VAV2: variants seen among roughly 807,000 people sequenced by gnomAD.
VAV2 encodes vav guanine nucleotide exchange factor 2, also known as guanine nucleotide exchange factor VAV2.
Under a neutral mutation model 132.5 loss-of-function variants are expected in VAV2, and 67 were observed. The ratio of observed to expected loss-of-function variants is 0.51; its 90% confidence interval spans 0.42 to 0.62. The LOEUF (loss-of-function observed/expected upper bound fraction) is 0.62. Ranked by LOEUF, VAV2 falls within the 20% of genes least tolerant of loss-of-function variation. VAV2 has a pLI of 0.00. For missense variants in VAV2, 938 were observed against 1,153.6 expected (o/e 0.81, Z 2.71); for synonymous variants, 492 against 443.5 (o/e 1.11, Z -1.37).
chr9:133,766,358 G>A (rs1833431488), intron 29 of VAV2, among the ~76,000 whole-genome samples: 1 of 152,180 alleles, frequency 6.6e-6, no homozygotes, highest in Non-Finnish European at 1.5e-5. Flanking sequence ...CAACAGCAAA[G>A]ACTTGGAACG....
At chr9:133,979,423 C>G (rs1367155949) in intron 1 of VAV2, among the ~76,000 whole-genome samples, 1 of 151,504 alleles carries the variant, frequency 6.6e-6, no homozygotes, top group Non-Finnish European at 1.5e-5. Flanking sequence ...ACACACGAAG[C>G]CAGGCCCAGA....
At chr9:133,978,057 C>A (rs1842572000) in intron 1 of VAV2, among the ~76,000 whole-genome samples, 2 of 152,192 alleles carry the variant, frequency 1.3e-5, no homozygotes, top group South Asian at 4.1e-4. Context: ...ATGTGATGAT[C>A]CCAGAAATGT....
At chr9:133,832,594 T>C (rs1836306164) in intron 4 of VAV2, among the ~76,000 whole-genome samples, 1 of 152,150 alleles carries the variant, frequency 6.6e-6, no homozygotes. Context: ...GTTTCACTCT[T>C]GTCGCCCAGG....
At chr9:133,911,081 G>A (rs1839869640) in intron 2 of VAV2, among the ~76,000 whole-genome samples, 1 of 152,178 alleles carries the variant, frequency 6.6e-6, no homozygotes, top group African/African-American at 2.4e-5. Flanking sequence ...GCAGGGCCGG[G>A]CACGCCCCTT....
chr9:133,907,221 A>G (rs947403616), intron 2 of VAV2, among the ~76,000 whole-genome samples: 1 of 151,918 alleles, frequency 6.6e-6, no homozygotes, highest in Non-Finnish European at 1.5e-5. Flanking sequence ...CCTCAAATTC[A>G]TCCTCGCTCC....
rs1475552901 is a variant in VAV2, at chr9:133,919,660, A to G, written c.321+19443T>C. On this transcript the variant is annotated intron_variant, in intron 2 of 29. Coordinates refer to ENST00000371850, the MANE Select transcript of VAV2 (RefSeq NM_001134398.2). The surrounding 1 kb of genome is among the most constrained non-coding windows in gnomAD (Gnocchi z 5.8). ...TCAGCCACTTTTGCCACCAGCTCAA[A>G]TATTTCAGTCTCAGATCAGAGAGGA... Among the ~76,000 whole-genome samples, 8 of 152,182 alleles carry G rather than the reference A, an allele frequency of 5.3e-5. No homozygotes were observed. The highest frequency in any genetic ancestry group is 1.2e-4 in the Non-Finnish European group (8 of 68,032).
rs560390965 is a variant in VAV2, at chr9:133,774,849, G to T, written c.2135+86C>A. 7.3e-6 allele frequency: 9 copies of T among 1,231,804 alleles called. No homozygotes were observed. The South Asian group carries it at 1.1e-4, about 15-fold the overall frequency. The allele number at this position is 1,231,804 out of a possible 1,614,324, so 76.3% of individuals were successfully genotyped here. A position where few individuals can be genotyped will look rare whatever the true frequency, so the allele number is the denominator to read the frequency against. ...GATGACATGTCCACCCCAACCCCACGAGCTCAGGACGTGGAGAGGATGGTG... is the reference window on the plus strand; with the variant it reads ...GATGACATGTCCACCCCAACCCCACTAGCTCAGGACGTGGAGAGGATGGTG... On this transcript the variant is annotated intron_variant, in intron 25 of 29. Transcript: ENST00000371850.
At chr9:133,767,626 G>GT (rs1286884307) in intron 29 of VAV2, among the ~76,000 whole-genome samples, 2 of 152,172 alleles carry the variant, frequency 1.3e-5, no homozygotes, top group Non-Finnish European at 2.9e-5. Flanking sequence ...GGGCAGTTGG[G>GT]TAAAAAATGG....
At chr9:133,848,332 A>G (rs907003606) in intron 3 of VAV2, among the ~76,000 whole-genome samples, 2 of 151,720 alleles carry the variant, frequency 1.3e-5, no homozygotes, top group Non-Finnish European at 2.9e-5. Context: ...GAAACGAAAC[A>G]GTATTTGAAT....
In VAV2 at chr9:133,983,535, G is replaced by A. The variant is rs535354914; in HGVS notation, c.204+8540C>T. Among the ~76,000 whole-genome samples, 11 of 152,212 alleles carry A rather than the reference G, an allele frequency of 7.2e-5. No individual in the cohort carries two copies. The East Asian group carries it at 1.7e-3, about 24-fold the overall frequency. Reference sequence around the variant, plus strand: ...CAAGTCCCAAACCGCAGGCAGACACGGGTCACTCTCACGGCGGCCCCCACA... The same window carrying A: ...CAAGTCCCAAACCGCAGGCAGACACAGGTCACTCTCACGGCGGCCCCCACA... On this transcript the variant is annotated intron_variant, in intron 1 of 29. Transcript: ENST00000371850.
chr9:133,880,033 C>T (rs367718068), intron 2 of VAV2, among the ~76,000 whole-genome samples: 16 of 152,308 alleles, frequency 1.1e-4, no homozygotes, highest in African/African-American at 3.1e-4. Flanking sequence ...AGTGAGGACA[C>T]GGATAAGGAC....
intron 2 of VAV2, among the ~76,000 whole-genome samples, chr9:133,933,585 AT>A (rs1272451997): frequency 1.4e-5 from 2 of 146,008 alleles, no homozygotes; most frequent in Admixed American, 1.4e-4. Flanking sequence ...TGGTGGATGG[AT>A]GGACAAATGG....
Position 133,985,725 on chromosome 9 carries a change from G to A in VAV2, c.204+6350C>T, listed in dbSNP as rs370321816. ...ACCAGCCTGGGTTACCAGCCAGAAA[G>A]TCAGGCACGGTATTCACATGTCCTC... On this transcript the variant is annotated intron_variant, in intron 1 of 29. Coordinates refer to ENST00000371850, the MANE Select transcript of VAV2 (RefSeq NM_001134398.2). Among the ~76,000 whole-genome samples, 10 of 152,322 alleles carry A rather than the reference G, an allele frequency of 6.6e-5. 1 individual carries two copies. The East Asian group carries it at 1.5e-3, about 24-fold the overall frequency.
chr9:133,980,181 C>T (rs1195106237), intron 1 of VAV2, among the ~76,000 whole-genome samples: 1 of 152,208 alleles, frequency 6.6e-6, no homozygotes, highest in African/African-American at 2.4e-5. Context: ...CTCCCAACCT[C>T]CCACCAACCC....
chr9:133,822,350 C>CA lies in VAV2; in HGVS notation c.450-10135_450-10134insT, dbSNP rs1835824047. Reference sequence around the variant, plus strand: ...GGAAACCGAGTCGGATGTTTCCTGACCTCCGTCCACACCTCAGGGTGCTTC... The same window carrying CA: ...GGAAACCGAGTCGGATGTTTCCTGACACTCCGTCCACACCTCAGGGTGCTTC... On this transcript the variant is annotated intron_variant, in intron 4 of 29. Coordinates refer to ENST00000371850, the MANE Select transcript of VAV2 (RefSeq NM_001134398.2). Among the ~76,000 whole-genome samples, 5 of 152,204 alleles carry CA rather than the reference C, an allele frequency of 3.3e-5. No homozygotes were observed. In the South Asian group the frequency reaches 1.0e-3, roughly 31 times the overall value.
At chr9:133,917,196 AT>A (rs1229978133) in intron 2 of VAV2, among the ~76,000 whole-genome samples, 1 of 151,720 alleles carries the variant, frequency 6.6e-6, no homozygotes, top group East Asian at 1.9e-4. Context: ...GAGGGGCCCT[AT>A]CCCCGTCCTC....
At chr9:133,901,601 C>T (rs1035008351) in intron 2 of VAV2, among the ~76,000 whole-genome samples, 3 of 152,236 alleles carry the variant, frequency 2.0e-5, no homozygotes, top group Admixed American at 1.3e-4. Flanking sequence ...GGCCCTGAGC[C>T]GCAGGGGCCT....
intron 26 of VAV2, 141 bp from the exon 27 acceptor site, chr9:133,770,642 C>T: frequency 7.6e-7 from 1 of 1,319,034 alleles, no homozygotes; most frequent in East Asian, 2.5e-5. Context: ...CACATCCCGC[C>T]AGCCCATGGT....
chr9:133,790,601 C>T (rs537189572), intron 13 of VAV2, among the ~76,000 whole-genome samples: 9 of 152,254 alleles, frequency 5.9e-5, no homozygotes, highest in Non-Finnish European at 8.8e-5. Flanking sequence ...CAGGAGCTCA[C>T]GGCAGCACGG....
Sources: allele counts gnomAD v4.1 joint callset (sites outside exome capture counted in the v4.1 genomes callset), GRCh38; gene constraint gnomAD v4.1.1; non-coding constraint Gnocchi (gnomAD v3.1); transcripts MANE v1.5; gene names NCBI Gene and HGNC (gene_info 2026-07-23, HGNC 2026-07-21).